RANBP2: variants seen among roughly 807,000 people sequenced by gnomAD.
RANBP2 encodes RAN binding protein 2, also known as E3 SUMO-protein ligase RanBP2.
Under a neutral mutation model 303.6 loss-of-function variants are expected in RANBP2, and 57 were observed. The ratio of observed to expected loss-of-function variants is 0.19; its 90% CI spans 0.15 to 0.23. The LOEUF (loss-of-function observed/expected upper bound fraction) is 0.23, where lower values mean the gene tolerates loss of function less well. RANBP2 is among the 10% of genes least tolerant of loss of function. The pLI is 1.00. For synonymous variants in RANBP2, 1,167 were observed against 1,301.5 expected (o/e 0.90, Z 2.23); for missense variants, 3,138 against 3,780.8 (o/e 0.83, Z 4.46).
At chr2:109,042,442 C>G in the RANBP2 span, among the ~76,000 whole-genome samples, 1 of 152,016 alleles carries the variant, frequency 6.6e-6, no homozygotes, top group Non-Finnish European at 1.5e-5. Context: ...AGGTCTCATC[C>G]CAAACTCAGG....
chr2:109,186,223 C>G, the RANBP2 span, among the ~76,000 whole-genome samples: 7 of 152,258 alleles, frequency 4.6e-5, no homozygotes, highest in African/African-American at 1.7e-4. Flanking sequence ...ACGAAGTGAA[C>G]TGGAGTGCTT....
chr2:109,230,502 C>T, the RANBP2 span, among the ~76,000 whole-genome samples: 1 of 152,092 alleles, frequency 6.6e-6, no homozygotes, highest in East Asian at 1.9e-4. Flanking sequence ...ATTGCTTGAA[C>T]CTAGTAGGTA....
At chr2:109,236,325 A>G in the RANBP2 span, among the ~76,000 whole-genome samples, 5 of 152,168 alleles carry the variant, frequency 3.3e-5, no homozygotes, top group African/African-American at 7.2e-5. Flanking sequence ...ATAATGAGCA[A>G]TGCCCAGCAG....
the RANBP2 span, among the ~76,000 whole-genome samples, chr2:108,866,048 T>C: frequency 6.6e-6 from 1 of 152,152 alleles, no homozygotes; most frequent in Non-Finnish European, 1.5e-5. Flanking sequence ...ACTATGGTAG[T>C]AGGGTATCTG....
intron 9 of RANBP2, among the ~76,000 whole-genome samples, chr2:108,750,240 C>T (rs1675763054): frequency 6.6e-6 from 1 of 152,250 alleles, no homozygotes; most frequent in Non-Finnish European, 1.5e-5. Flanking sequence ...ATCTTGCTTC[C>T]TTCATGAATT....
At chr2:109,435,130 G>A in the RANBP2 span, among the ~76,000 whole-genome samples, 1 of 152,186 alleles carries the variant, frequency 6.6e-6, no homozygotes, top group Non-Finnish European at 1.5e-5. Flanking sequence ...GCAGTGTCAG[G>A]AGGTCATTGA....
At chr2:109,731,684 C>T in the RANBP2 span, among the ~76,000 whole-genome samples, 6 of 152,032 alleles carry the variant, frequency 3.9e-5, no homozygotes, top group Admixed American at 1.3e-4. Context: ...TGAGCCACTG[C>T]GCGCGGCCAC....
At chr2:109,549,284 G>C in the RANBP2 span, among the ~76,000 whole-genome samples, 3 of 152,158 alleles carry the variant, frequency 2.0e-5, no homozygotes, top group African/African-American at 4.8e-5. Context: ...ATAGCTCTCT[G>C]GTTACTCAAA....
the RANBP2 span, chr2:109,129,934 G>T: frequency 1.0e-5 from 15 of 1,481,422 alleles, no homozygotes; most frequent in Non-Finnish European, 1.2e-5. Flanking sequence ...CACCAGCCCC[G>T]GCGGCAGCCC....
chr2:109,589,102 GT>G, the RANBP2 span, among the ~76,000 whole-genome samples: 1 of 151,952 alleles, frequency 6.6e-6, no homozygotes, highest in South Asian at 2.1e-4. Flanking sequence ...AATTTTTGTG[GT>G]TTTTTTGTTT....
chr2:109,009,798 C>T, the RANBP2 span, among the ~76,000 whole-genome samples: 3 of 150,776 alleles, frequency 2.0e-5, no homozygotes, highest in Non-Finnish European at 4.4e-5. Flanking sequence ...TCTCCCACCT[C>T]GGCCTCCCAA....
chr2:108,891,028 AT>A, the RANBP2 span, among the ~76,000 whole-genome samples: 1 of 152,148 alleles, frequency 6.6e-6, no homozygotes, highest in African/African-American at 2.4e-5. Context: ...TTTAAAAAAA[AT>A]CTATCTCTTT....
At chr2:109,151,283 G>A in the RANBP2 span, among the ~76,000 whole-genome samples, 1 of 152,184 alleles carries the variant, frequency 6.6e-6, no homozygotes, top group Non-Finnish European at 1.5e-5. Flanking sequence ...TGTGGCCATG[G>A]AAACAGACTG....
chr2:108,895,171 T>C, the RANBP2 span: 1 of 152,620 alleles, frequency 6.6e-6, no homozygotes, highest in African/African-American at 2.4e-5. Flanking sequence ...AATGATGATA[T>C]TAAATATTCA....
At chr2:109,567,727 G>A in the RANBP2 span, 1 of 1,242,602 alleles carries the variant, frequency 8.0e-7, no homozygotes, top group Non-Finnish European at 1.1e-6. Context: ...GAAGACACAA[G>A]TGAAAGTGTA....
chr2:109,585,258 T>A, the RANBP2 span: 12 of 1,613,232 alleles, frequency 7.4e-6, no homozygotes, highest in South Asian at 1.2e-4. Context: ...TGAGGATTCA[T>A]AGTCTTCAAA....
the RANBP2 span, among the ~76,000 whole-genome samples, chr2:108,885,903 C>T: frequency 6.6e-6 from 1 of 152,136 alleles, no homozygotes; most frequent in Non-Finnish European, 1.5e-5. Flanking sequence ...AAAATAATGA[C>T]CTCTGGTTTT....
the RANBP2 span, among the ~76,000 whole-genome samples, chr2:109,136,243 A>G: frequency 1.3e-5 from 2 of 152,126 alleles, no homozygotes; most frequent in Admixed American, 1.3e-4. Context: ...AAACACACAC[A>G]TCAGCAAGCA....
the RANBP2 span, among the ~76,000 whole-genome samples, chr2:109,223,418 C>T: frequency 1.8e-4 from 27 of 152,160 alleles, no homozygotes; most frequent in Non-Finnish European, 2.5e-4. Context: ...ATGGAGTTGC[C>T]GAAGTGCTTT....
Sources: allele counts gnomAD v4.1 joint callset (sites outside exome capture counted in the v4.1 genomes callset), GRCh38; gene constraint gnomAD v4.1.1; transcripts MANE v1.5; gene names NCBI Gene and HGNC (gene_info 2026-07-23, HGNC 2026-07-21).